IGFBP3: variants seen among roughly 807,000 people sequenced by gnomAD.
IGFBP3 encodes insulin-like growth factor-binding protein 3.
A neutral mutation model predicts 28.6 loss-of-function variants in IGFBP3; 9 were observed. The observed-to-expected ratio is 0.31, with a 90% CI of 0.19 to 0.55. The LOEUF (loss-of-function observed/expected upper bound fraction) is 0.55, where lower values mean the gene tolerates loss of function less well. Ranked by LOEUF, IGFBP3 falls within the 20% of genes least tolerant of loss-of-function variation. The probability of loss-of-function intolerance (pLI) is 0.93; values close to 1 mark genes in which losing one functional copy is unlikely to be tolerated. For synonymous variants in IGFBP3, 185 were observed against 188.2 expected (o/e 0.98, Z 0.14); for missense variants, 382 against 428.9 (o/e 0.89, Z 0.97).
chr7:45,917,505 C>T, intron 1 of IGFBP3, 66 bp from the exon 2 acceptor site: 5 of 1,330,522 alleles, frequency 3.8e-6, no homozygotes, highest in Non-Finnish European at 5.2e-6. Flanking sequence ...TTTTAAAAAT[C>T]TTAACGTTGC....
At chr7:45,917,573 T>A (rs17847673) in intron 1 of IGFBP3, 134 bp from the exon 2 acceptor site, 141 of 581,670 alleles carry the variant, frequency 2.4e-4, no homozygotes, top group Middle Eastern at 4.6e-4. Flanking sequence ...TTTTTTTTTT[T>A]AAAATACCTC....
At chr7:45,915,980 C>A (rs1369431843) in intron 3 of IGFBP3, among the ~76,000 whole-genome samples, 1 of 152,224 alleles carries the variant, frequency 6.6e-6, no homozygotes, top group Non-Finnish European at 1.5e-5. Flanking sequence ...CCCCCACTCA[C>A]TAGCATTTCC....
In IGFBP3 at chr7:45,917,378, G is replaced by T; in HGVS notation, c.465C>A (p.Ser155=). 6.2e-7 allele frequency: 1 copy of T among 1,614,038 alleles called. No individual in the cohort carries two copies. The highest frequency in any genetic ancestry group is 8.5e-7 in the Non-Finnish European group (1 of 1,180,010). The change falls in exon 2 of 5, where the codon TCC becomes TCA. Residue 155 remains serine (S), a synonymous_variant. Transcript: ENST00000613132. Reference sequence around the variant, plus strand: ...TGGGATCAGACACCCGGTGCGTGCTGGAGACGGACGGGCTCTCCACACTGC... The same window carrying T: ...TGGGATCAGACACCCGGTGCGTGCTTGAGACGGACGGGCTCTCCACACTGC... ...SAGSVESPSV[S]STHRVSDPKF...
chr7:45,915,332 G>A (rs942217860), intron 3 of IGFBP3: 6 of 196,490 alleles, frequency 3.1e-5, no homozygotes, highest in South Asian at 1.1e-4. Flanking sequence ...CACCTTCTCA[G>A]TATGACTTTG....
Position 45,916,428 on chromosome 7 carries a change from C to G in IGFBP3, c.750+120G>C, listed in dbSNP as rs527899847. On this transcript the variant is annotated intron_variant, in intron 3 of 4. Transcript: ENST00000613132. Reference sequence around the variant, plus strand: ...CCTGAGACTGGCACCAAGTCCTGGGCACTGGTGCTGCACAGGCTCAGAGTT... The same window carrying G: ...CCTGAGACTGGCACCAAGTCCTGGGGACTGGTGCTGCACAGGCTCAGAGTT... 29 of 953,794 alleles carry G rather than the reference C, an allele frequency of 3.0e-5. No individual in the cohort carries two copies. In the East Asian group the frequency reaches 7.2e-4, roughly 24 times the overall value. 59.1% of individuals were successfully genotyped at this position (953,794 alleles called of 1,614,324 possible).
At chr7:45,916,988 T>C in intron 2 of IGFBP3, 1 of 584,572 alleles carries the variant, frequency 1.7e-6, no homozygotes, top group Non-Finnish European at 3.0e-6. Context: ...ACATCCCATA[T>C]GCTTTTAAGA....
At chr7:45,920,670 A>G in intron 1 of IGFBP3, 68 bp downstream of exon 1, 1 of 1,275,854 alleles carries the variant, frequency 7.8e-7, no homozygotes, top group Non-Finnish European at 1.0e-6. Flanking sequence ...GGCACCCAGC[A>G]ACCCCCAGGC....
chr7:45,917,802 G>T (rs940015370), intron 1 of IGFBP3, among the ~76,000 whole-genome samples: 1 of 152,198 alleles, frequency 6.6e-6, no homozygotes, highest in Non-Finnish European at 1.5e-5. Context: ...TGCAGCGCCG[G>T]CTCAGAAATT....
intron 1 of IGFBP3, 149 bp downstream of exon 1, chr7:45,920,589 C>A: frequency 1.3e-6 from 1 of 782,734 alleles, no homozygotes; most frequent in Non-Finnish European, 1.8e-6. Flanking sequence ...ACCGCCTTCA[C>A]CTTTCCCGGA....
At chr7:45,919,525 T>C (rs1358727306) in intron 1 of IGFBP3, among the ~76,000 whole-genome samples, 1 of 151,984 alleles carries the variant, frequency 6.6e-6, no homozygotes. Flanking sequence ...AGCCAGAAAA[T>C]AACTTCACCC....
chr7:45,915,013 G>T (rs1358634971), intron 3 of IGFBP3, 68 bp from the exon 4 acceptor site: 20 of 1,571,536 alleles, frequency 1.3e-5, no homozygotes, highest in Non-Finnish European at 8.7e-7. Flanking sequence ...GGTGGCCAGG[G>T]CGCATGATGG....
At chr7:45,915,859 C>T (rs1284260290) in intron 3 of IGFBP3, among the ~76,000 whole-genome samples, 1 of 152,210 alleles carries the variant, frequency 6.6e-6, no homozygotes, top group Non-Finnish European at 1.5e-5. Flanking sequence ...TGGCCATCCC[C>T]AGCATGGACC....
In IGFBP3 at chr7:45,912,268, T is replaced by TTATAATAAAATAATTATTA. The variant is rs200199792; in HGVS notation, c.*1563_*1581dup. Reference sequence around the variant, plus strand: ...AATATTTTCCCCTTTCAGGATTTTATTATAATAAAATAATTATTATATAAT... The same window carrying TTATAATAAAATAATTATTA: ...AATATTTTCCCCTTTCAGGATTTTATTATAATAAAATAATTATTATATAATAAAATAATTATTATATAAT... On this transcript the variant is annotated 3_prime_UTR_variant, in exon 5 of 5. Coordinates refer to ENST00000613132, the MANE Select transcript of IGFBP3 (RefSeq NM_000598.5). The TTATAATAAAATAATTATTA allele has an allele frequency of 6.6e-6, 1 of 151,444 alleles. No individual in the cohort carries two copies. Among genetic ancestry groups the TTATAATAAAATAATTATTA allele is most frequent in the Non-Finnish European group, 1.5e-5 (1 of 67,882 alleles). 9.4% of individuals were successfully genotyped at this position (151,444 alleles called of 1,614,324 possible).
At chr7:45,915,086 A>G in intron 3 of IGFBP3, 141 bp from the exon 4 acceptor site, 1 of 986,454 alleles carries the variant, frequency 1.0e-6, no homozygotes. Context: ...AGGCAACACA[A>G]GAGCCATGCG....
intron 1 of IGFBP3, 166 bp downstream of exon 1, chr7:45,920,572 T>G (rs1784670918): frequency 1.6e-6 from 1 of 613,672 alleles, no homozygotes; most frequent in Non-Finnish European, 2.4e-6. Flanking sequence ...GGAGGGTCCC[T>G]CCGGCGACCG....
rs1333368924 is a variant in IGFBP3 at position 45,920,850 on chromosome 7, C to A, written c.291G>T (p.Ser97=). Residue 97 remains serine (S), a synonymous_variant, in exon 1 of 5, where the codon TCG becomes TCT. Transcript: ENST00000613132. ...CCTGCAGCGGTCGCGCCTCGTCGGG[C>A]GACGGCTGGCAGCGAAGGCCGGAGC... ...RCGSGLRCQP[S]PDEARPLQAL... 3 of 1,412,538 alleles carry A rather than the reference C, an allele frequency of 2.1e-6. 1 individual carries two copies. The East Asian group carries it at 9.2e-5, about 44-fold the overall frequency. The allele number at this position is 1,412,538 out of a possible 1,614,324, so 87.5% of individuals were successfully genotyped here. A position where few individuals can be genotyped will look rare whatever the true frequency, so the allele number is the denominator to read the frequency against.
rs748290833 is a variant in IGFBP3, at chr7:45,914,994, T to C, written c.751-49A>G. 2.5e-6 allele frequency: 4 copies of C among 1,607,806 alleles called. No individual in the cohort carries two copies. The African/African-American group carries it at 5.3e-5, about 21-fold the overall frequency. ...GAGAAGTGAATGCTCCTGGGTCTGG[T>C]GTCAGGTCGGTGGCCAGGGCGCATG... On this transcript the variant is annotated intron_variant, in intron 3 of 4. Coordinates refer to ENST00000613132, the MANE Select transcript of IGFBP3 (RefSeq NM_000598.5).
chr7:45,917,174 G>T, intron 2 of IGFBP3, 39 bp downstream of exon 2: 1 of 1,523,570 alleles, frequency 6.6e-7, no homozygotes, highest in Non-Finnish European at 9.1e-7. Context: ...GGCTTGGCAG[G>T]TCTTGCCCTC....
intron 1 of IGFBP3, chr7:45,920,519 G>A: frequency 2.4e-6 from 1 of 414,908 alleles, no homozygotes; most frequent in Non-Finnish European, 4.2e-6. Context: ...CAATTTACAA[G>A]TACTCTGCAC....
Sources: allele counts gnomAD v4.1 joint callset (sites outside exome capture counted in the v4.1 genomes callset), GRCh38; gene constraint gnomAD v4.1.1; transcripts MANE v1.5; gene names NCBI Gene and HGNC (gene_info 2026-07-23, HGNC 2026-07-21).